The following SIRT5 variants were observed in gnomAD, a reference collection of about 807,000 sequenced individuals.
SIRT5 encodes NAD-dependent protein deacylase sirtuin-5, mitochondrial.
A neutral mutation model predicts 40.0 loss-of-function variants in SIRT5; 26 were observed. The observed-to-expected ratio is 0.65, with a 90% CI of 0.48 to 0.90. SIRT5 has a LOEUF of 0.90. Ranked by LOEUF, SIRT5 falls within the 40% of genes least tolerant of loss-of-function variation. The pLI is 0.00. For synonymous variants in SIRT5, 146 were observed against 149.1 expected (o/e 0.98, Z 0.15); for missense variants, 401 against 402.4 (o/e 1.00, Z 0.03).
rs780118048 is a variant in SIRT5, at chr6:13,600,836, G to A, written c.744G>A (p.Val248=). ...ELAHCDLCLV[V]GTSSVVYPAA... is the part of the protein sequence containing the mutation. ...ATCTCCGTGTACTTGCCTTGTAGGTGGGCACTTCCTCTGTGGTGTACCCAG... is the reference window on the plus strand; with the variant it reads ...ATCTCCGTGTACTTGCCTTGTAGGTAGGCACTTCCTCTGTGGTGTACCCAG... Residue 248 remains valine, a splice_region_variant and synonymous_variant, in exon 9 of 10, where the codon GTG becomes GTA. Coordinates refer to ENST00000606117, the MANE Select transcript of SIRT5 (RefSeq NM_012241.5). 6.8e-6 allele frequency: 11 copies of A among 1,610,406 alleles called. No homozygotes were observed. The highest frequency in any genetic ancestry group is 1.7e-4 in the Middle Eastern group (1 of 6,048).
rs1343061166 is a variant in SIRT5, at chr6:13,584,215, G to T, written c.105G>T (p.Arg35=). 6.2e-7 allele frequency: 1 copy of T among 1,613,600 alleles called. No homozygotes were observed. The highest frequency in any genetic ancestry group is 2.2e-5 in the East Asian group (1 of 44,888). The change falls in exon 3 of 10, where the codon CGG becomes CGT. Residue 35 remains arginine, a synonymous_variant. Transcript: ENST00000606117. ...TRNQICLKMA[R]PSSSMADFRK... ...ACCAGATTTGCCTGAAAATGGCTCG[G>T]CCAAGTTCAAGTAAGTCATTTTACC...
At chr6:13,601,766 T>C (rs1392938546) in intron 9 of SIRT5, among the ~76,000 whole-genome samples, 10 of 152,026 alleles carry the variant, frequency 6.6e-5, no homozygotes, top group Admixed American at 3.9e-4. Context: ...CATCATCATT[T>C]TGATAAGCTT....
chr6:13,578,078 TC>T (rs1758853340), intron 1 of SIRT5, among the ~76,000 whole-genome samples: 1 of 152,220 alleles, frequency 6.6e-6, no homozygotes, highest in Non-Finnish European at 1.5e-5. Flanking sequence ...GTTTTTGTCC[TC>T]CATTTTGTTA....
At chr6:13,600,489 AAGAT>A (rs1053049053) in intron 8 of SIRT5, among the ~76,000 whole-genome samples, 1 of 152,278 alleles carries the variant, frequency 6.6e-6, no homozygotes, top group Non-Finnish European at 1.5e-5. Context: ...CTTAAACAAA[AAGAT>A]AGAAAATATG....
intron 9 of SIRT5, among the ~76,000 whole-genome samples, chr6:13,606,099 C>T (rs935952777): frequency 3.9e-5 from 6 of 152,240 alleles, no homozygotes; most frequent in African/African-American, 7.2e-5. Flanking sequence ...ACACATTCTA[C>T]AGCACGTGAG....
At chr6:13,598,705 T>A (rs1761943307) in intron 7 of SIRT5, among the ~76,000 whole-genome samples, 1 of 151,714 alleles carries the variant, frequency 6.6e-6, no homozygotes, top group South Asian at 2.1e-4. Context: ...CACACATGAC[T>A]GTAGTCCCAG....
intron 9 of SIRT5, among the ~76,000 whole-genome samples, chr6:13,601,436 G>A (rs970816174): frequency 3.3e-5 from 5 of 152,156 alleles, no homozygotes; most frequent in African/African-American, 1.2e-4. Flanking sequence ...GGTGGGAAGT[G>A]TAGATTGTCA....
Position 13,611,922 on chromosome 6 carries a change from G to A in SIRT5, c.*57G>A. On this transcript the variant is annotated 3_prime_UTR_variant, in exon 10 of 10. Coordinates refer to ENST00000606117, the MANE Select transcript of SIRT5 (RefSeq NM_012241.5). ...TCTAAGAACTAGGCCACACGCAGAG[G>A]AGAAATGGTCTTATGGGTGGTGAGC... 1 of 1,541,684 alleles carries A rather than the reference G, an allele frequency of 6.5e-7. No individual in the cohort carries two copies. Among genetic ancestry groups the A allele is most frequent in the East Asian group, 2.3e-5 (1 of 44,272 alleles).
intron 9 of SIRT5, among the ~76,000 whole-genome samples, chr6:13,610,209 G>A (rs560908245): frequency 2.0e-5 from 3 of 152,186 alleles, no homozygotes; most frequent in East Asian, 1.9e-4. Context: ...AGCCTCAAGC[G>A]ATCCTCCTGC....
rs1205032416 is a variant in SIRT5, at chr6:13,614,197, G to A, written c.*2332G>A. ...AGCAAGACCTGGCCCTTCCCCTCAG[G>A]GGTTCACAGAATGGCTGGAGCAACT... On this transcript the variant is annotated 3_prime_UTR_variant, in exon 10 of 10. Transcript: ENST00000606117. 1 of 152,176 alleles carries A rather than the reference G, an allele frequency of 6.6e-6. No individual in the cohort carries two copies. The highest frequency in any genetic ancestry group is 1.5e-5 in the Non-Finnish European group (1 of 68,026). The allele number at this position is 152,176 out of a possible 1,614,324, so 9.4% of individuals were successfully genotyped here.
intron 2 of SIRT5, among the ~76,000 whole-genome samples, chr6:13,580,364 T>C (rs1398587019): frequency 1.3e-5 from 2 of 152,152 alleles, no homozygotes; most frequent in African/African-American, 2.4e-5. Context: ...CTTTTTATTA[T>C]ACAGTTCTAT....
intron 2 of SIRT5, 73 bp from the exon 3 acceptor site, chr6:13,584,003 T>G: frequency 1.6e-6 from 1 of 610,588 alleles, no homozygotes; most frequent in Non-Finnish European, 2.8e-6. Flanking sequence ...ATATAAATAT[T>G]TATACATATT....
intron 4 of SIRT5, chr6:13,589,238 C>G (rs1760488980): frequency 6.5e-6 from 1 of 152,790 alleles, no homozygotes; most frequent in Admixed American, 6.5e-5. Context: ...CCCAGATTCT[C>G]CTGCCTCAGC....
At chr6:13,584,358 C>CT (rs374980191) in intron 3 of SIRT5, 133 bp downstream of exon 3, 47,905 of 461,568 alleles carry the variant, frequency 0.1, 18 homozygotes, top group East Asian at 0.16. Context: ...GTCATCTTCT[C>CT]TTTTTTTTTT....
At position 13,574,603 on chromosome 6, in the gene SIRT5, T is replaced by TC. The variant is rs1562256791; in HGVS notation, c.-335dup. 6.6e-6 allele frequency: 1 copy of TC among 152,336 alleles called. No homozygotes were observed. Among genetic ancestry groups the TC allele is most frequent in the Non-Finnish European group, 1.5e-5 (1 of 68,326 alleles). The allele number at this position is 152,336 out of a possible 1,614,324, so 9.4% of individuals were successfully genotyped here. A position where few individuals can be genotyped will look rare whatever the true frequency, so the allele number is the denominator to read the frequency against. ...GGGGGCGGGGCGTGGGAGACTGTAT[T>TC]CGGGGGCGCGAGCTGCCCCAGGTGA... is the stretch of plus-strand genomic sequence containing the variant. On this transcript the variant is annotated 5_prime_UTR_variant, in exon 1 of 10. Coordinates refer to ENST00000606117, the MANE Select transcript of SIRT5 (RefSeq NM_012241.5).
At position 13,578,872 on chromosome 6, in the gene SIRT5, C is replaced by G. The variant is rs199892215; in HGVS notation, c.-194-579C>G. 5.7e-4 allele frequency among the ~76,000 whole-genome samples: 86 copies of G among 152,194 alleles called. No homozygotes were observed. In the East Asian group the frequency reaches 0.012, roughly 21 times the overall value. On this transcript the variant is annotated intron_variant, in intron 1 of 9. Coordinates refer to ENST00000606117, the MANE Select transcript of SIRT5 (RefSeq NM_012241.5). ...TTCATGAAAAGGCATCGTTAAATGACATTACTTGGATTAATGTCAATTTAT... is the reference window on the plus strand; with the variant it reads ...TTCATGAAAAGGCATCGTTAAATGAGATTACTTGGATTAATGTCAATTTAT...
intron 9 of SIRT5, 71 bp downstream of exon 9, chr6:13,601,020 G>T: frequency 8.7e-7 from 1 of 1,149,258 alleles, no homozygotes; most frequent in South Asian, 1.4e-5. Flanking sequence ...AAACATAGTT[G>T]ACCTACTCCT....
chr6:13,586,760 G>T (rs570122801), intron 3 of SIRT5, among the ~76,000 whole-genome samples: 150 of 152,264 alleles, frequency 9.9e-4, no homozygotes, highest in African/African-American at 3.5e-3. Context: ...TCTATCCTAG[G>T]CTGGGCATAG....
chr6:13,601,728 A>T (rs1449246343), intron 9 of SIRT5, among the ~76,000 whole-genome samples: 1 of 151,900 alleles, frequency 6.6e-6, no homozygotes, highest in Non-Finnish European at 1.5e-5. Context: ...TGAAATTTCG[A>T]TGTCATTGCT....
Sources: allele counts gnomAD v4.1 joint callset (sites outside exome capture counted in the v4.1 genomes callset), GRCh38; gene constraint gnomAD v4.1.1; transcripts MANE v1.5; gene names NCBI Gene and HGNC (gene_info 2026-07-23, HGNC 2026-07-21).